TCF4: variants seen among roughly 807,000 people sequenced by gnomAD.
TCF4 encodes the protein SL3-3 enhancer factor 2.
In TCF4, 3 loss-of-function variants were observed where a neutral mutation model predicts 82.1. The ratio of observed to expected loss-of-function variants is 0.04; its 90% confidence interval spans 0.02 to 0.09. TCF4 has a LOEUF of 0.09. Ranked by LOEUF, TCF4 falls within the 10% of genes least tolerant of loss-of-function variation. The probability of loss-of-function intolerance (pLI) is 1.00; values close to 1 mark genes in which losing one functional copy is unlikely to be tolerated. For missense variants in TCF4, 518 were observed against 852.7 expected (o/e 0.61, Z 4.89); for synonymous variants, 276 against 309.6 (o/e 0.89, Z 1.14).
At chr18:55,505,565 A>G (rs2958159) in intron 3 of TCF4, among the ~76,000 whole-genome samples, 115,086 of 151,640 alleles carry the variant, frequency 0.76, 44,055 homozygotes, top group East Asian at 1. Flanking sequence ...AGCACTTTGG[A>G]AGGCCGAGGC....
At chr18:55,481,529 C>T (rs1481900596) in intron 3 of TCF4, among the ~76,000 whole-genome samples, 1 of 152,166 alleles carries the variant, frequency 6.6e-6, no homozygotes, top group African/African-American at 2.4e-5. Context: ...CACGAAAAAC[C>T]AGGATGCTTA....
intron 5 of TCF4, among the ~76,000 whole-genome samples, chr18:55,443,150 T>C (rs1013864617): frequency 6.6e-6 from 1 of 152,322 alleles, no homozygotes; most frequent in East Asian, 1.9e-4. Flanking sequence ...TGGGGTCCCA[T>C]TGCTTGGTTT....
At chr18:55,350,214 T>C in intron 8 of TCF4, 145 bp downstream of exon 8, 2 of 797,024 alleles carry the variant, frequency 2.5e-6, no homozygotes, top group Non-Finnish European at 4.3e-6. Flanking sequence ...GGTGGCTGGA[T>C]GTGCAGGTCA....
Position 55,588,082 on chromosome 18 carries a change from G to A in TCF4, c.-65C>T, listed in dbSNP as rs2097670170. On this transcript the variant is annotated 5_prime_UTR_variant, in exon 1 of 20. Transcript: ENST00000354452. The stretch of plus-strand genomic sequence containing the variant: ...GCTCTCCGTGCACCGCCGGCGCCGA[G>A]GCGGCGTTCATGTCTAACCGCCGCC... 3.0e-6 allele frequency: 3 copies of A among 996,234 alleles called. No homozygotes were observed. In the South Asian group the frequency reaches 1.3e-4, roughly 45 times the overall value. The allele number at this position is 996,234 out of a possible 1,614,324, so 61.7% of individuals were successfully genotyped here.
At chr18:55,228,090 CT>C (rs199826816) in intron 19 of TCF4, 60 bp from the exon 20 acceptor site, 2 of 1,206,906 alleles carry the variant, frequency 1.7e-6, no homozygotes, top group South Asian at 1.4e-5. Context: ...AAAAAGTATG[CT>C]TTTTTTAAAA....
intron 8 of TCF4, chr18:55,321,549 G>A (rs956774597): frequency 1.0e-5 from 14 of 1,359,696 alleles, no homozygotes; most frequent in Admixed American, 2.0e-5. Flanking sequence ...AATATTTCAT[G>A]GCACCCAGGA....
Position 55,260,030 on chromosome 18 carries a change from TAAAAC to T in TCF4, c.991-8_991-4del, listed in dbSNP as rs766726309. On this transcript the variant is annotated splice_region_variant and splice_polypyrimidine_tract_variant and intron_variant, in intron 12 of 19. Transcript: ENST00000354452. The stretch of plus-strand genomic sequence containing the variant: ...TTAGTGTGATCTGGAGAATAGATCT[TAAAAC>T]AATAAGGAGAAAAAAAAAACACCCT... 4.2e-5 allele frequency: 68 copies of T among 1,605,436 alleles called. No homozygotes were observed. The highest frequency in any genetic ancestry group is 5.3e-5 in the Non-Finnish European group (62 of 1,172,738).
chr18:55,573,241 C>T (rs1000243785), intron 3 of TCF4, among the ~76,000 whole-genome samples: 3 of 146,508 alleles, frequency 2.0e-5, no homozygotes, highest in Non-Finnish European at 3.0e-5. Flanking sequence ...TAATTACTGT[C>T]GGAATGTATA....
At chr18:55,489,888 T>C (rs764455479) in intron 3 of TCF4, among the ~76,000 whole-genome samples, 101 of 152,322 alleles carry the variant, frequency 6.6e-4, no homozygotes, top group Non-Finnish European at 4.9e-4. Flanking sequence ...GGCTCGGTGA[T>C]GAAAAGCAGT....
At chr18:55,571,231 T>C (rs1415676863) in intron 3 of TCF4, among the ~76,000 whole-genome samples, 1 of 151,970 alleles carries the variant, frequency 6.6e-6, no homozygotes, top group Non-Finnish European at 1.5e-5. Context: ...GCAGAGAAAA[T>C]TAACATACAC....
At chr18:55,291,901 T>C (rs2065185636) in intron 8 of TCF4, among the ~76,000 whole-genome samples, 1 of 152,074 alleles carries the variant, frequency 6.6e-6, no homozygotes, top group Non-Finnish European at 1.5e-5. Flanking sequence ...AACTAGAAAA[T>C]GTGATAAAGT....
chr18:55,502,798 A>C (rs934850320), intron 3 of TCF4, among the ~76,000 whole-genome samples: 8 of 152,222 alleles, frequency 5.3e-5, no homozygotes, highest in African/African-American at 1.9e-4. Context: ...TAGCTAATTC[A>C]TTTTTCTAAA....
intron 5 of TCF4, among the ~76,000 whole-genome samples, chr18:55,440,086 A>G (rs2095411902): frequency 6.6e-6 from 1 of 151,754 alleles, no homozygotes; most frequent in South Asian, 2.1e-4. Flanking sequence ...TATTGGATTT[A>G]TGTCTGAATA....
At chr18:55,283,910 T>C (rs1236575522) in intron 8 of TCF4, among the ~76,000 whole-genome samples, 6 of 152,222 alleles carry the variant, frequency 3.9e-5, no homozygotes, top group Admixed American at 2.6e-4. Context: ...AATGTTAAGC[T>C]GTCTTTCCAG....
At chr18:55,500,446 G>A (rs2096685453) in intron 3 of TCF4, among the ~76,000 whole-genome samples, 1 of 152,196 alleles carries the variant, frequency 6.6e-6, no homozygotes, top group African/African-American at 2.4e-5. Flanking sequence ...TGCTGATAAT[G>A]AGCAGTGTGT....
intron 3 of TCF4, among the ~76,000 whole-genome samples, chr18:55,565,793 A>T (rs2097400037): frequency 6.6e-6 from 1 of 152,130 alleles, no homozygotes; most frequent in South Asian, 2.1e-4. Context: ...GAATAAAATG[A>T]TGTCTTTTGT....
chr18:55,340,251 G>A (rs565867396), intron 8 of TCF4, among the ~76,000 whole-genome samples: 4 of 152,254 alleles, frequency 2.6e-5, no homozygotes, highest in South Asian at 2.1e-4. Flanking sequence ...AAGCAGCTCC[G>A]GGCATCACAG....
chr18:55,438,108 G>A (rs568686660), intron 5 of TCF4, among the ~76,000 whole-genome samples: 1 of 151,994 alleles, frequency 6.6e-6, no homozygotes, highest in East Asian at 1.9e-4. Flanking sequence ...GGCTGAGACA[G>A]GAGAATTGCT....
chr18:55,251,930 G>GTTTTTTTT (rs199695068), intron 15 of TCF4, among the ~76,000 whole-genome samples: 30 of 101,244 alleles, frequency 3.0e-4, no homozygotes, highest in African/African-American at 9.3e-4. Flanking sequence ...GGGGGATGAG[G>GTTTTTTTT]TTTTTTTTTT....
Sources: allele counts gnomAD v4.1 joint callset (sites outside exome capture counted in the v4.1 genomes callset), GRCh38; gene constraint gnomAD v4.1.1; transcripts MANE v1.5; gene names NCBI Gene and HGNC (gene_info 2026-07-23, HGNC 2026-07-21).